Variants in SLC43A3 observed in about 807,000 individuals in gnomAD.
SLC43A3 encodes equilibrative nucleobase transporter 1.
A neutral mutation model predicts 53.3 loss-of-function variants in SLC43A3; 33 were observed. The ratio of observed to expected loss-of-function variants is 0.62; its 90% CI spans 0.47 to 0.83. The LOEUF (loss-of-function observed/expected upper bound fraction) is 0.83. Ranked by LOEUF, SLC43A3 falls within the 40% of genes least tolerant of loss-of-function variation. The probability of loss-of-function intolerance (pLI) is 0.00; values close to 1 mark genes in which losing one functional copy is unlikely to be tolerated. For synonymous variants in SLC43A3, 236 were observed against 246.2 expected (o/e 0.96, Z 0.39); for missense variants, 530 against 610.0 (o/e 0.87, Z 1.38).
At chr11:57,423,829 A>G in intron 5 of SLC43A3, 153 bp downstream of exon 5, 2 of 646,402 alleles carry the variant, frequency 3.1e-6, no homozygotes. Flanking sequence ...CAGACCAGCA[A>G]TAGCTCAAGA....
At position 57,407,916 on chromosome 11, in the gene SLC43A3, G is replaced by A. The variant is rs747182808; in HGVS notation, c.1372-20C>T. ...ATTCACCTGCAGGGAGAGCAGAAGT[G>A]AGGTGAAATCCAGGAATTCTGAACA... On this transcript the variant is annotated intron_variant, in intron 13 of 13. Transcript: ENST00000395124. 6.5e-6 allele frequency: 10 copies of A among 1,527,812 alleles called. No individual in the cohort carries two copies. Among genetic ancestry groups the A allele is most frequent in the Non-Finnish European group, 9.1e-6 (10 of 1,101,848 alleles). 94.6% of individuals were successfully genotyped at this position (1,527,812 alleles called of 1,614,324 possible).
intron 11 of SLC43A3, 84 bp downstream of exon 11, chr11:57,414,531 A>G: frequency 4.6e-6 from 3 of 650,646 alleles, no homozygotes; most frequent in Non-Finnish European, 5.4e-6. Flanking sequence ...AAAAAAAAAA[A>G]AGAGCGAGAG....
intron 4 of SLC43A3, among the ~76,000 whole-genome samples, chr11:57,424,806 G>GTC (rs985912931): frequency 3.9e-5 from 6 of 152,072 alleles, no homozygotes; most frequent in African/African-American, 1.2e-4. Context: ...CAGCCCTCCC[G>GTC]TCTCTCTCTC....
intron 7 of SLC43A3, among the ~76,000 whole-genome samples, chr11:57,419,164 A>C (rs993181904): frequency 6.6e-6 from 1 of 152,104 alleles, no homozygotes; most frequent in South Asian, 2.1e-4. Flanking sequence ...CTTCTAGCCC[A>C]GTGCCTTTTT....
chr11:57,426,401 G>A (rs1943199041), intron 2 of SLC43A3, 49 bp from the exon 3 acceptor site: 1 of 563,056 alleles, frequency 1.8e-6, no homozygotes, highest in Non-Finnish European at 3.2e-6. Context: ...TGCGGGAAAG[G>A]GAAAGGTAGA....
intron 5 of SLC43A3, among the ~76,000 whole-genome samples, chr11:57,422,504 T>A (rs928592550): frequency 4.6e-5 from 7 of 152,186 alleles, no homozygotes; most frequent in Non-Finnish European, 1.0e-4. Flanking sequence ...GCCCCTAACA[T>A]CCTCTTAACT....
intron 11 of SLC43A3, among the ~76,000 whole-genome samples, chr11:57,412,782 T>C (rs948206590): frequency 2.0e-5 from 3 of 150,170 alleles, no homozygotes; most frequent in South Asian, 4.2e-4. Flanking sequence ...CACTCCAGCC[T>C]AGGCAACACA....
Position 57,407,693 on chromosome 11 carries a change from T to G in SLC43A3, c.*99A>C, listed in dbSNP as rs1291211091. On this transcript the variant is annotated 3_prime_UTR_variant, in exon 14 of 14. Transcript: ENST00000395124. ...TGTGTGTGTGTGTGTGTGTGTGTGT[T>G]TTGCTGGGATAGGCAAAGTCTTTTG... 6.3e-6 allele frequency: 4 copies of G among 636,558 alleles called. No homozygotes were observed. Among genetic ancestry groups the G allele is most frequent in the Admixed American group, 2.5e-5 (1 of 40,512 alleles). 39.4% of individuals were successfully genotyped at this position (636,558 alleles called of 1,614,324 possible).
Position 57,409,971 on chromosome 11 carries a change from A to G in SLC43A3, c.1211T>C (p.Phe404Ser). 1.9e-6 allele frequency: 3 copies of G among 1,613,146 alleles called. No homozygotes were observed. Among genetic ancestry groups the G allele is most frequent in the Non-Finnish European group, 2.5e-6 (3 of 1,179,708 alleles). ...GAAGGCCGCGTTGCTCCCATAGAGG[A>G]AGGAGCGGCTGATCACTTGCAGGAT... is the stretch of plus-strand genomic sequence containing the variant. ...TFILQVISRS[F>S]LYGSNAAFLT... is the part of the protein sequence containing the mutation. The change falls in exon 12 of 14, where the codon TTC (phenylalanine) becomes TCC (serine). Residue 404 changes from phenylalanine to serine, a missense_variant. This residue lies in a region of SLC43A3 where 124 missense variants were observed against 166.4 expected (regional missense o/e 0.75). Coordinates refer to ENST00000395124, the MANE Select transcript of SLC43A3 (RefSeq NM_199329.3).
At position 57,407,250 on chromosome 11, in the gene SLC43A3, C is replaced by G. The variant is rs1378227505; in HGVS notation, c.*542G>C. On this transcript the variant is annotated 3_prime_UTR_variant, in exon 14 of 14. Transcript: ENST00000395124. ...TTCTGAGACCAGACCAGGGTCAGGCCAAGGTCATCCAGCATCAGTGGCTGG... is the reference window on the plus strand; with the variant it reads ...TTCTGAGACCAGACCAGGGTCAGGCGAAGGTCATCCAGCATCAGTGGCTGG... 6.5e-6 allele frequency: 1 copy of G among 153,968 alleles called. No individual in the cohort carries two copies. Among genetic ancestry groups the G allele is most frequent in the African/African-American group, 2.4e-5 (1 of 41,426 alleles). 9.5% of individuals were successfully genotyped at this position (153,968 alleles called of 1,614,324 possible).
chr11:57,416,550 A>G (rs755823227), intron 9 of SLC43A3, 23 bp downstream of exon 9: 1 of 1,593,566 alleles, frequency 6.3e-7, no homozygotes, highest in Admixed American at 1.7e-5. Flanking sequence ...TGGAGGAGAG[A>G]TGGGTTAGCC....
chr11:57,407,940 C>T lies in SLC43A3; in HGVS notation c.1372-44G>A, dbSNP rs371443850. On this transcript the variant is annotated intron_variant, in intron 13 of 13. Coordinates refer to ENST00000395124, the MANE Select transcript of SLC43A3 (RefSeq NM_199329.3). ...TGAGGTGAAATCCAGGAATTCTGAA[C>T]AACAGAACTGTTGCTCAATGAAGCA... The T allele has an allele frequency of 3.0e-6, 4 of 1,324,084 alleles. No individual in the cohort carries two copies. In the African/African-American group the frequency reaches 4.3e-5, roughly 14 times the overall value. 82.0% of individuals were successfully genotyped at this position (1,324,084 alleles called of 1,614,324 possible).
intron 7 of SLC43A3, among the ~76,000 whole-genome samples, chr11:57,420,537 C>T (rs563241655): frequency 1.3e-5 from 2 of 152,202 alleles, no homozygotes; most frequent in East Asian, 1.9e-4. Flanking sequence ...CAACATCAGC[C>T]ACTGGGACAG....
chr11:57,413,289 G>C (rs1942566925), intron 11 of SLC43A3, among the ~76,000 whole-genome samples: 1 of 152,186 alleles, frequency 6.6e-6, no homozygotes, highest in South Asian at 2.1e-4. Context: ...CAAATACACT[G>C]CATGGACCAG....
chr11:57,414,282 G>A lies in SLC43A3; in HGVS notation c.1060+333C>T, dbSNP rs370159128. ...TCCCAGCATTTTGGGAGGCTGAGGC[G>A]GGCAGATCACCCGAGGTCAGGAGTT... On this transcript the variant is annotated intron_variant, in intron 11 of 13. Transcript: ENST00000395124. Among the ~76,000 whole-genome samples, 6 of 151,966 alleles carry A rather than the reference G, an allele frequency of 3.9e-5. No homozygotes were observed. In the East Asian group the frequency reaches 5.8e-4, roughly 15 times the overall value.
At chr11:57,423,494 T>G (rs909633438) in intron 5 of SLC43A3, among the ~76,000 whole-genome samples, 1 of 152,188 alleles carries the variant, frequency 6.6e-6, no homozygotes, top group African/African-American at 2.4e-5. Flanking sequence ...AATGGTGTGA[T>G]CTTGGCTCAC....
intron 7 of SLC43A3, among the ~76,000 whole-genome samples, 182 bp downstream of exon 7, chr11:57,420,790 G>A (rs146128630): frequency 2.0e-5 from 3 of 152,334 alleles, no homozygotes; most frequent in Non-Finnish European, 4.4e-5. Flanking sequence ...CAGTATCATG[G>A]CTACTAGCTG....
At position 57,409,199 on chromosome 11, in the gene SLC43A3, G is replaced by A. The variant is rs1358152618; in HGVS notation, c.1347C>T (p.Gly449=). The change falls in exon 13 of 14, where the codon GGC becomes GGT. Residue 449 remains glycine, a synonymous_variant. Transcript: ENST00000395124. ...LQFPIFTLIK[G]SLQNDPFYVN... ...CGTAAAATGGGTCATTCTGAAGGGA[G>A]CCTTTGATGAGGGTGAAGATGGGGA... The A allele has an allele frequency of 2.5e-6, 4 of 1,614,200 alleles. No homozygotes were observed. The highest frequency in any genetic ancestry group is 1.6e-4 in the Middle Eastern group (1 of 6,062).
At chr11:57,408,640 C>T (rs1942309572) in intron 13 of SLC43A3, 1 of 153,430 alleles carries the variant, frequency 6.5e-6, no homozygotes, top group African/African-American at 2.4e-5. Flanking sequence ...CTAAGATTTG[C>T]TGCTTTAAAA....
Sources: allele counts gnomAD v4.1 joint callset (sites outside exome capture counted in the v4.1 genomes callset), GRCh38; gene constraint gnomAD v4.1.1; regional missense constraint gnomAD v4.1.1; transcripts MANE v1.5; gene names NCBI Gene and HGNC (gene_info 2026-07-23, HGNC 2026-07-21).